Variants in HDGF observed in about 807,000 individuals in gnomAD.
The protein encoded by HDGF is heparin binding growth factor, also known as hepatoma-derived growth factor.
HDGF carries 5 observed loss-of-function variants against 30.0 expected under a neutral mutation model. The ratio of observed to expected loss-of-function variants is 0.17; its 90% CI spans 0.09 to 0.35. The LOEUF (loss-of-function observed/expected upper bound fraction) is 0.35, where lower values mean the gene tolerates loss of function less well. Ranked by LOEUF, HDGF falls within the 10% of genes least tolerant of loss-of-function variation. The pLI, the probability that HDGF is intolerant of heterozygous loss-of-function variation, is 1.00. For missense variants in HDGF, 214 were observed against 302.8 expected (o/e 0.71, Z 2.18); for synonymous variants, 133 against 112.7 (o/e 1.18, Z -1.14).
chr1:156,762,542 C>T (rs1387718385), intron 1 of HDGF, among the ~76,000 whole-genome samples: 3 of 152,024 alleles, frequency 2.0e-5, no homozygotes, highest in Non-Finnish European at 2.9e-5. Context: ...CACTTTGTAC[C>T]TCTGGGTACC....
At chr1:156,751,922 A>C (rs1016849408), upstream of HDGF, 2 of 1,060,050 alleles carry the variant, frequency 1.9e-6, no homozygotes, top group African/African-American at 1.7e-5. This position sits in a 1 kb window ranked among gnomAD's most constrained non-coding sequence, Gnocchi z 4.7. Context: ...ATCGCCGAGC[A>C]CGCCGAGCAG....
chr1:156,744,865 C>T lies in HDGF; in HGVS notation c.303+143G>A, dbSNP rs537788054. 2.4e-5 allele frequency: 23 copies of T among 958,468 alleles called. No homozygotes were observed. The East Asian group carries it at 2.9e-4, about 12-fold the overall frequency. 59.4% of individuals were successfully genotyped at this position (958,468 alleles called of 1,614,324 possible). ...CAACCCTATCCCTTCTTGCAGGAAG[C>T]CCCCTTCCCACCACCCTGATTAGCT... On this transcript the variant is annotated intron_variant, in intron 3 of 5. Transcript: ENST00000357325.
At chr1:156,743,912 C>T in intron 4 of HDGF, 34 bp from the exon 5 acceptor site, 1 of 1,540,442 alleles carries the variant, frequency 6.5e-7, no homozygotes. Flanking sequence ...TGGGCTGAGG[C>T]TGGAGAGGGA....
chr1:156,751,866 C>A (rs1249184484), upstream of HDGF: 3 of 965,152 alleles, frequency 3.1e-6, no homozygotes, highest in Non-Finnish European at 4.3e-6. The surrounding 1 kb of genome is among the most constrained non-coding windows in gnomAD (Gnocchi z 4.7). Context: ...CAACGCCCAA[C>A]CCGGAGCCGC....
rs541815000 is a variant in HDGF, at chr1:156,751,166, C to T, written c.87+177G>A. Among the ~76,000 whole-genome samples the T allele has an allele frequency of 6.6e-6, 1 of 152,238 alleles. No homozygotes were observed. Among genetic ancestry groups the T allele is most frequent in the Non-Finnish European group, 1.5e-5 (1 of 67,988 alleles). On this transcript the variant is annotated intron_variant, in intron 1 of 5. Transcript: ENST00000357325. The surrounding 1 kb of genome is among the most constrained non-coding windows in gnomAD (Gnocchi z 4.7). ...GCCAGGTGTCTACCCCCACCCCCGC[C>T]CGCCTCCACCATTATATAACCGGCG...
intron 1 of HDGF, among the ~76,000 whole-genome samples, chr1:156,746,177 G>C (rs1650530560): frequency 6.6e-6 from 1 of 152,206 alleles, no homozygotes. Flanking sequence ...CCCCTTTACA[G>C]TGCTTTCCCA....
chr1:156,747,958 C>T (rs1650704163), intron 1 of HDGF, among the ~76,000 whole-genome samples: 1 of 152,066 alleles, frequency 6.6e-6, no homozygotes, highest in African/African-American at 2.4e-5. Flanking sequence ...CTGCCCAGCC[C>T]CAGCAGTGGG....
upstream of HDGF, chr1:156,752,276 C>T (rs1303561067): frequency 6.4e-7 from 1 of 1,551,782 alleles, no homozygotes; most frequent in South Asian, 1.2e-5. Flanking sequence ...GCCCTACGTC[C>T]GCCTTTGCTA....
At chr1:156,753,369 G>A (rs1451044648), upstream of HDGF, among the ~76,000 whole-genome samples, 1 of 152,154 alleles carries the variant, frequency 6.6e-6, no homozygotes, top group Non-Finnish European at 1.5e-5. Flanking sequence ...AGAGCAACTA[G>A]GTTCTAGTTG....
chr1:156,743,483 G>C (rs1259296356), intron 5 of HDGF, 28 bp from the exon 6 acceptor site: 1 of 1,556,050 alleles, frequency 6.4e-7, no homozygotes, highest in Non-Finnish European at 8.7e-7. Context: ...AGGGGAGAAG[G>C]GTTAATGGTG....
upstream of HDGF, among the ~76,000 whole-genome samples, chr1:156,753,059 G>A (rs1006895993): frequency 4.6e-5 from 7 of 152,212 alleles, no homozygotes; most frequent in African/African-American, 1.7e-4. Context: ...TAACATGACT[G>A]CCCTGGTAAC....
upstream of HDGF, chr1:156,752,493 A>C (rs1284463567): frequency 2.5e-5 from 20 of 793,180 alleles, no homozygotes; most frequent in Non-Finnish European, 3.8e-5. Flanking sequence ...CCTTCAGTAA[A>C]CTGTGAAGAC....
At chr1:156,760,504 G>A (rs1651232138) in intron 1 of HDGF, among the ~76,000 whole-genome samples, 1 of 152,222 alleles carries the variant, frequency 6.6e-6, no homozygotes, top group South Asian at 2.1e-4. Context: ...CTGAAAGGCT[G>A]TTTCTGCCAC....
intron 1 of HDGF, among the ~76,000 whole-genome samples, chr1:156,762,537 T>C (rs11264538): frequency 6.6e-6 from 1 of 152,036 alleles, no homozygotes; most frequent in Non-Finnish European, 1.5e-5. Flanking sequence ...AAAGCCACTT[T>C]GTACCTCTGG....
intron 1 of HDGF, among the ~76,000 whole-genome samples, chr1:156,766,317 AG>A (rs1651375662): frequency 1.3e-5 from 2 of 152,168 alleles, no homozygotes; most frequent in Non-Finnish European, 2.9e-5. Flanking sequence ...AAACCTCAAC[AG>A]CCTTTTCTCT....
At position 156,751,644 on chromosome 1, in the gene HDGF, T is replaced by G; in HGVS notation, c.-215A>C. The G allele has an allele frequency of 3.0e-6, 3 of 1,000,150 alleles. No homozygotes were observed. Among genetic ancestry groups the G allele is most frequent in the South Asian group, 8.8e-5 (2 of 22,802 alleles). The allele number at this position is 1,000,150 out of a possible 1,614,324, so 62.0% of individuals were successfully genotyped here. On this transcript the variant is annotated 5_prime_UTR_variant, in exon 1 of 6. Coordinates refer to ENST00000357325, the MANE Select transcript of HDGF (RefSeq NM_004494.3). This position sits in a 1 kb window ranked among gnomAD's most constrained non-coding sequence, Gnocchi z 4.7. ...GGATCGGGGCAAGGCTCCGGCGCGG[T>G]GGGTGCGCGCTCGTGCAGTTGTTTG...
intron 3 of HDGF, chr1:156,744,597 C>G: frequency 6.8e-7 from 1 of 1,473,662 alleles, no homozygotes; most frequent in Non-Finnish European, 9.0e-7. Flanking sequence ...AACCTCGGGT[C>G]AACTTCTCCC....
At chr1:156,743,614 C>T (rs201434701) in intron 5 of HDGF, 38 bp downstream of exon 5, 4 of 1,571,750 alleles carry the variant, frequency 2.5e-6, no homozygotes, top group African/African-American at 1.3e-5. Flanking sequence ...GCCGGTCCCC[C>T]CTAGTCCAGC....
chr1:156,765,721 C>T (rs552311687), intron 1 of HDGF, among the ~76,000 whole-genome samples: 4 of 152,148 alleles, frequency 2.6e-5, no homozygotes, highest in Non-Finnish European at 5.9e-5. Context: ...GATTCACCAG[C>T]CTCTGCCTCT....
Sources: allele counts gnomAD v4.1 joint callset (sites outside exome capture counted in the v4.1 genomes callset), GRCh38; gene constraint gnomAD v4.1.1; non-coding constraint Gnocchi (gnomAD v3.1); transcripts MANE v1.5; gene names NCBI Gene and HGNC (gene_info 2026-07-23, HGNC 2026-07-21).